RASAL2: variants seen among roughly 807,000 people sequenced by gnomAD.
The protein encoded by RASAL2 is ras GTPase-activating protein nGAP.
Under a neutral mutation model 128.9 loss-of-function variants are expected in RASAL2, and 58 were observed. That is an observed-to-expected ratio of 0.45 (90% confidence interval 0.36 to 0.56). The LOEUF (loss-of-function observed/expected upper bound fraction) is 0.56, where lower values mean the gene tolerates loss of function less well. RASAL2 is among the 20% of genes least tolerant of loss of function. The pLI, the probability that RASAL2 is intolerant of heterozygous loss-of-function variation, is 0.00. For missense variants in RASAL2, 1,360 were observed against 1,601.6 expected (o/e 0.85, Z 2.57); for synonymous variants, 561 against 580.8 (o/e 0.97, Z 0.49).
At position 178,322,058 on chromosome 1, in the gene RASAL2, C is replaced by G. The variant is rs181617548; in HGVS notation, c.457+21940C>G. ...GTGTTGCCCAGGCTGGTCTCAAACTCCTCACCTCAAGTGATACTCCCACCT... is the reference window on the plus strand; with the variant it reads ...GTGTTGCCCAGGCTGGTCTCAAACTGCTCACCTCAAGTGATACTCCCACCT... On this transcript the variant is annotated intron_variant, in intron 3 of 17. Coordinates refer to ENST00000367649, the MANE Select transcript of RASAL2 (RefSeq NM_170692.4). Among the ~76,000 whole-genome samples, 128 of 151,962 alleles carry G rather than the reference C, an allele frequency of 8.4e-4. 1 individual carries two copies. The highest frequency in any genetic ancestry group is 2.9e-3 in the African/African-American group (121 of 41,448).
At chr1:178,098,990 A>G (rs1464754659) in intron 1 of RASAL2, among the ~76,000 whole-genome samples, 2 of 152,190 alleles carry the variant, frequency 1.3e-5, no homozygotes, top group Non-Finnish European at 2.9e-5. Flanking sequence ...TGAGCTGATG[A>G]GACAGAAGTC....
At chr1:178,329,053 T>G (rs1207472874) in intron 3 of RASAL2, among the ~76,000 whole-genome samples, 1 of 152,194 alleles carries the variant, frequency 6.6e-6, no homozygotes, top group Non-Finnish European at 1.5e-5. Flanking sequence ...TGCCACACAC[T>G]GTTCTGGCCT....
At chr1:178,428,104 C>T (rs760573286) in intron 5 of RASAL2, among the ~76,000 whole-genome samples, 94 of 149,952 alleles carry the variant, frequency 6.3e-4, no homozygotes, top group Non-Finnish European at 1.1e-3. Flanking sequence ...TTACATGTAT[C>T]AGTAGTTTGT....
At chr1:178,306,376 A>G (rs2102287616) in intron 3 of RASAL2, among the ~76,000 whole-genome samples, 1 of 151,746 alleles carries the variant, frequency 6.6e-6, no homozygotes, top group South Asian at 2.1e-4. Context: ...ATGTGTCTTT[A>G]TAGCAGCATG....
At chr1:178,162,423 TTA>T (rs1491374126) in intron 1 of RASAL2, among the ~76,000 whole-genome samples, 2 of 119,394 alleles carry the variant, frequency 1.7e-5, no homozygotes, top group Admixed American at 1.1e-4. Context: ...ATATATAATA[TTA>T]TATATATTTT....
intron 3 of RASAL2, among the ~76,000 whole-genome samples, chr1:178,368,700 C>G (rs1671541248): frequency 6.6e-6 from 1 of 151,670 alleles, no homozygotes; most frequent in Admixed American, 6.6e-5. Flanking sequence ...CACAGTGGCA[C>G]AGTCATAGCT....
At chr1:178,464,831 G>GTTTTT (rs986789340) in intron 15 of RASAL2, among the ~76,000 whole-genome samples, 15 of 38,204 alleles carry the variant, frequency 3.9e-4, no homozygotes, top group East Asian at 1.0e-3. Context: ...GGTTTTAGTT[G>GTTTTT]TTTTTTTTTT....
At chr1:178,099,625 A>T (rs1170013737) in intron 1 of RASAL2, among the ~76,000 whole-genome samples, 2 of 152,242 alleles carry the variant, frequency 1.3e-5, no homozygotes, top group Non-Finnish European at 2.9e-5. Context: ...TCTTTTCCAA[A>T]ACCATTTGGA....
chr1:178,162,775 A>G (rs1232716670), intron 1 of RASAL2, among the ~76,000 whole-genome samples: 3 of 150,826 alleles, frequency 2.0e-5, no homozygotes, highest in African/African-American at 7.3e-5. Flanking sequence ...TTTAGTAGAG[A>G]CAGTGTTTTA....
chr1:178,472,896 C>T (rs6688185), intron 17 of RASAL2, among the ~76,000 whole-genome samples, 179 bp from the exon 18 acceptor site: 52,119 of 152,078 alleles, frequency 0.34, 12,409 homozygotes, highest in African/African-American at 0.68. Flanking sequence ...CACAGATCCA[C>T]TGGGCTCAGG....
chr1:178,456,141 A>T (rs1246549297), intron 12 of RASAL2, among the ~76,000 whole-genome samples: 5 of 152,226 alleles, frequency 3.3e-5, no homozygotes, highest in African/African-American at 4.8e-5. Context: ...CTCAGTTGGC[A>T]GTGGGTCAGG....
chr1:178,196,783 A>G (rs1451507491), intron 1 of RASAL2, among the ~76,000 whole-genome samples: 1 of 152,226 alleles, frequency 6.6e-6, no homozygotes, highest in Non-Finnish European at 1.5e-5. Flanking sequence ...GTGAGACCTC[A>G]TAAGAGAGGA....
chr1:178,376,154 T>C (rs1236698924), intron 3 of RASAL2, among the ~76,000 whole-genome samples: 5 of 152,064 alleles, frequency 3.3e-5, no homozygotes, highest in African/African-American at 1.2e-4. Flanking sequence ...AACAATGTGG[T>C]CAGTAGTGTC....
rs1163537633 is a variant in RASAL2, at chr1:178,420,499, C to T, written c.565-12C>T. The T allele has an allele frequency of 6.3e-7, 1 of 1,584,716 alleles. No homozygotes were observed. Among genetic ancestry groups the T allele is most frequent in the Non-Finnish European group, 8.6e-7 (1 of 1,156,376 alleles). On this transcript the variant is annotated splice_polypyrimidine_tract_variant and intron_variant, in intron 4 of 17. Coordinates refer to ENST00000367649, the MANE Select transcript of RASAL2 (RefSeq NM_170692.4). ...GGTTCTCTCTCCCATCACCTTCTGC[C>T]TTTCCTTCTAGGGATTCTTCAGCAA...
rs1669186414 is a variant in RASAL2 at position 178,329,414 on chromosome 1, C to T, written c.457+29296C>T. ...CAATTTAATAGGCCTGTGAAGTGCT[C>T]AGCATTGTAAATAAATACAACCCCC... On this transcript the variant is annotated intron_variant, in intron 3 of 17. Transcript: ENST00000367649. 1.3e-5 allele frequency among the ~76,000 whole-genome samples: 2 copies of T among 152,090 alleles called. 1 individual carries two copies. Among genetic ancestry groups the T allele is most frequent in the South Asian group, 4.1e-4 (2 of 4,820 alleles).
At chr1:178,454,300 A>T (rs1273553425) in intron 11 of RASAL2, 147 bp from the exon 12 acceptor site, 5 of 603,388 alleles carry the variant, frequency 8.3e-6, no homozygotes, top group Non-Finnish European at 1.4e-5. Flanking sequence ...AAAGTATGTT[A>T]TAACATTTAT....
intron 5 of RASAL2, among the ~76,000 whole-genome samples, chr1:178,435,239 A>G (rs1223481340): frequency 6.6e-6 from 1 of 152,106 alleles, no homozygotes; most frequent in African/African-American, 2.4e-5. Flanking sequence ...TTAATCTGTA[A>G]ACATGTAGCA....
intron 5 of RASAL2, among the ~76,000 whole-genome samples, chr1:178,425,726 G>A (rs963058406): frequency 2.0e-5 from 3 of 152,046 alleles, no homozygotes; most frequent in African/African-American, 7.2e-5. Context: ...GAAAAGATGG[G>A]CCCATAAAAA....
At chr1:178,299,915 C>G in intron 2 of RASAL2, 77 bp from the exon 3 acceptor site, 1 of 1,484,526 alleles carries the variant, frequency 6.7e-7, no homozygotes, top group Non-Finnish European at 9.2e-7. Flanking sequence ...TCTTCTTTGA[C>G]TAAAACCATT....
Sources: gnomAD v4.1 joint callset for allele counts (sites outside exome capture counted in the v4.1 genomes callset) on GRCh38, gnomAD v4.1.1 for gene constraint, MANE v1.5 for transcripts, NCBI Gene and HGNC (gene_info 2026-07-23, HGNC 2026-07-21) for gene names.